The following DPYD variants were observed in gnomAD, a reference collection of about 807,000 sequenced individuals.
The protein encoded by DPYD is dihydropyrimidine dehydrogenase.
DPYD carries 109 observed loss-of-function variants against 116.2 expected under a neutral mutation model. The observed-to-expected ratio is 0.94, with a 90% confidence interval of 0.80 to 1.10. DPYD has a LOEUF of 1.10. DPYD is among the 50% of genes least tolerant of loss of function. DPYD has a pLI of 0.00. For synonymous variants in DPYD, 440 were observed against 432.0 expected (o/e 1.02, Z -0.23); for missense variants, 1,302 against 1,254.5 (o/e 1.04, Z -0.57).
At chr1:97,697,910 C>T (rs1661394002) in intron 6 of DPYD, among the ~76,000 whole-genome samples, 1 of 151,914 alleles carries the variant, frequency 6.6e-6, no homozygotes, top group South Asian at 2.1e-4. Context: ...CCAGGGTACA[C>T]AATTAAGTTC....
At chr1:97,863,904 T>C (rs895475702) in intron 2 of DPYD, among the ~76,000 whole-genome samples, 2 of 151,886 alleles carry the variant, frequency 1.3e-5, no homozygotes. Context: ...AACCCTGGAA[T>C]ACAGACCAGC....
At chr1:97,786,301 T>G (rs1157842182) in intron 3 of DPYD, among the ~76,000 whole-genome samples, 1 of 152,218 alleles carries the variant, frequency 6.6e-6, no homozygotes, top group Non-Finnish European at 1.5e-5. Context: ...CTGATGAAAT[T>G]CATGGATTCT....
At chr1:97,618,092 A>G (rs117910319) in intron 8 of DPYD, among the ~76,000 whole-genome samples, 2,661 of 152,224 alleles carry the variant, frequency 0.017, 43 homozygotes, top group East Asian at 0.079. Flanking sequence ...AAGTGTTGTC[A>G]CCTGAAAGGT....
chr1:97,173,227 TATATGC>T (rs1176004328), intron 20 of DPYD, among the ~76,000 whole-genome samples: 7 of 102,458 alleles, frequency 6.8e-5, no homozygotes, highest in Non-Finnish European at 1.5e-4. Context: ...TATACGTACA[TATATGC>T]GCACACATAT....
rs543083543 is a variant in DPYD at position 97,830,788 on chromosome 1, T to G, written c.151-2592A>C. ...TAGTAGCCACACTGAGTAGCCACAC[T>G]GAGCGCTCAGTGATGCCAGGAATTG... On this transcript the variant is annotated intron_variant, in intron 2 of 22. Transcript: ENST00000370192. Among the ~76,000 whole-genome samples, 84 of 151,754 alleles carry G rather than the reference T, an allele frequency of 5.5e-4. No homozygotes were observed. The Middle Eastern group carries it at 0.021, about 38-fold the overall frequency.
At chr1:97,768,910 T>C (rs1666006369) in intron 3 of DPYD, among the ~76,000 whole-genome samples, 1 of 151,630 alleles carries the variant, frequency 6.6e-6, no homozygotes, top group Admixed American at 6.6e-5. Flanking sequence ...AAATGGGAAA[T>C]AAAATTATAT....
chr1:97,637,468 C>T (rs1372477476), intron 8 of DPYD, among the ~76,000 whole-genome samples: 1 of 151,682 alleles, frequency 6.6e-6, no homozygotes, highest in African/African-American at 2.4e-5. Context: ...ACCCCCCAGA[C>T]ACTGAACATA....
chr1:97,091,457 G>A (rs985566336), intron 21 of DPYD, among the ~76,000 whole-genome samples: 1 of 152,216 alleles, frequency 6.6e-6, no homozygotes, highest in Middle Eastern at 3.4e-3. Flanking sequence ...GGCGTGCCTG[G>A]GTGTGTGCTA....
chr1:97,623,730 TAC>T (rs893385613), intron 8 of DPYD, among the ~76,000 whole-genome samples: 16 of 151,548 alleles, frequency 1.1e-4, no homozygotes, highest in African/African-American at 3.6e-4. Context: ...TTTCAAACTA[TAC>T]AACAAAGCTA....
At chr1:97,694,665 C>G (rs1259930603) in intron 6 of DPYD, among the ~76,000 whole-genome samples, 1 of 152,148 alleles carries the variant, frequency 6.6e-6, no homozygotes, top group African/African-American at 2.4e-5. Context: ...TCATCACACA[C>G]TATTCCCTTT....
intron 12 of DPYD, among the ~76,000 whole-genome samples, chr1:97,531,260 T>G (rs1166403742): frequency 1.3e-5 from 2 of 152,196 alleles, no homozygotes; most frequent in Non-Finnish European, 2.9e-5. Context: ...GTCTTACATT[T>G]TAGTCTTTAA....
intron 16 of DPYD, among the ~76,000 whole-genome samples, chr1:97,339,585 T>C (rs575371704): frequency 7.2e-5 from 11 of 151,986 alleles, no homozygotes; most frequent in Non-Finnish European, 8.8e-5. Context: ...ATTCAGAAAA[T>C]ATGCCACCCA....
At chr1:97,434,535 A>T (rs370647203) in intron 14 of DPYD, among the ~76,000 whole-genome samples, 1 of 152,130 alleles carries the variant, frequency 6.6e-6, no homozygotes, top group East Asian at 1.9e-4. Context: ...TCCAGTCTTG[A>T]TTAGTTAGGA....
Position 97,902,807 on chromosome 1 carries a change from T to C in DPYD, c.39+18077A>G, listed in dbSNP as rs1054169642. Among the ~76,000 whole-genome samples the C allele has an allele frequency of 2.6e-5, 4 of 151,850 alleles. No individual in the cohort carries two copies. In the East Asian group the frequency reaches 7.8e-4, roughly 29 times the overall value. ...ATACTAAACAAAACAATCTACCTTT[T>C]AAGACTTTTCTTAAATGGAGCATAC... On this transcript the variant is annotated intron_variant, in intron 1 of 22. Transcript: ENST00000370192.
chr1:97,141,234 C>T (rs774298818), intron 20 of DPYD, among the ~76,000 whole-genome samples: 29 of 152,102 alleles, frequency 1.9e-4, no homozygotes, highest in Admixed American at 9.8e-4. Flanking sequence ...GAAGACCAAG[C>T]GAGGCACGAG....
At chr1:97,227,331 C>CAAAAAAAAAAA (rs60992225) in intron 19 of DPYD, among the ~76,000 whole-genome samples, 7 of 26,366 alleles carry the variant, frequency 2.7e-4, no homozygotes, top group Admixed American at 5.2e-4. Context: ...GACTCTATCT[C>CAAAAAAAAAAA]AAAAAAAAAA....
At chr1:97,619,416 T>A (rs1487817928) in intron 8 of DPYD, among the ~76,000 whole-genome samples, 1 of 152,184 alleles carries the variant, frequency 6.6e-6, no homozygotes, top group African/African-American at 2.4e-5. Context: ...TAGTAATATA[T>A]AGAGATAACA....
At chr1:97,666,994 C>T (rs545085178) in intron 8 of DPYD, among the ~76,000 whole-genome samples, 1 of 152,136 alleles carries the variant, frequency 6.6e-6, no homozygotes, top group Admixed American at 6.6e-5. Flanking sequence ...AGCAAATCCG[C>T]CCTGCTACTC....
intron 2 of DPYD, among the ~76,000 whole-genome samples, chr1:97,846,891 C>G (rs1670327569): frequency 6.6e-6 from 1 of 152,090 alleles, no homozygotes. Flanking sequence ...CGTATGTTTT[C>G]ATAACAGAAA....
Sources: gnomAD v4.1 joint callset for allele counts (sites outside exome capture counted in the v4.1 genomes callset) on GRCh38, gnomAD v4.1.1 for gene constraint, MANE v1.5 for transcripts, NCBI Gene and HGNC (gene_info 2026-07-23, HGNC 2026-07-21) for gene names.